CXCL12: variants seen among roughly 807,000 people sequenced by gnomAD.
The protein encoded by CXCL12 is stromal cell-derived factor 1.
In CXCL12, 4 loss-of-function variants were observed where a neutral mutation model predicts 10.7. That is an observed-to-expected ratio of 0.37 (90% CI 0.18 to 0.86). The LOEUF (loss-of-function observed/expected upper bound fraction) is 0.86. Among genes scored for constraint, CXCL12 ranks in the 40% least tolerant of loss-of-function variants. CXCL12 has a pLI of 0.43. For missense variants in CXCL12, 122 were observed against 110.4 expected (o/e 1.10, Z -0.47); for synonymous variants, 54 against 45.4 (o/e 1.19, Z -0.77).
intron 1 of CXCL12, among the ~76,000 whole-genome samples, chr10:44,382,053 T>C (rs11592974): frequency 0.16 from 23,681 of 152,138 alleles, 2,109 homozygotes; most frequent in Non-Finnish European, 0.21. Context: ...GGACTAGGAA[T>C]TGCATTGTGT....
Position 44,380,954 on chromosome 10 carries a change from G to A in CXCL12, c.62-74C>T, listed in dbSNP as rs7073133. ...GGTAATGTGTGTCTGGGCTGCAGCA[G>A]TTGGTGCAGCGATTAAGGATCAAGA... On this transcript the variant is annotated intron_variant, in intron 1 of 2. Coordinates refer to ENST00000343575, the MANE Select transcript of CXCL12 (RefSeq NM_199168.4). The A allele has an allele frequency of 2.9e-4, 335 of 1,167,602 alleles. No homozygotes were observed. The African/African-American group carries it at 4.6e-3, about 16-fold the overall frequency. 72.3% of individuals were successfully genotyped at this position (1,167,602 alleles called of 1,614,324 possible).
At chr10:44,382,775 C>G (rs905044740) in intron 1 of CXCL12, among the ~76,000 whole-genome samples, 13 of 152,158 alleles carry the variant, frequency 8.5e-5, no homozygotes, top group African/African-American at 2.7e-4. Context: ...TGTCAAGCAG[C>G]GAATTTCAAC....
downstream of CXCL12, among the ~76,000 whole-genome samples, chr10:44,376,269 C>T (rs1839446101): frequency 6.6e-6 from 1 of 152,188 alleles, no homozygotes; most frequent in East Asian, 1.9e-4. Context: ...TGGGTTACAG[C>T]GACTGCCAAT....
At chr10:44,380,655 G>C (rs1251071972) in intron 2 of CXCL12, 108 bp downstream of exon 2, 1 of 930,586 alleles carries the variant, frequency 1.1e-6, no homozygotes, top group Non-Finnish European at 1.8e-6. Flanking sequence ...TTCAAGGTTG[G>C]ACACTTGGCT....
intron 2 of CXCL12, among the ~76,000 whole-genome samples, chr10:44,378,971 T>C (rs1839547337): frequency 6.6e-6 from 1 of 151,930 alleles, no homozygotes; most frequent in Non-Finnish European, 1.5e-5. Context: ...GGGGAATTCA[T>C]GTAAGGGAGC....
In CXCL12 at chr10:44,377,754, C is replaced by T. The variant is rs762131157; in HGVS notation, c.*879G>A. 2 of 1,598,394 alleles carry T rather than the reference C, an allele frequency of 1.3e-6. No homozygotes were observed. The highest frequency in any genetic ancestry group is 1.7e-6 in the Non-Finnish European group (2 of 1,179,794). ...GCGGGTAAGCAGGGGGACCATTACA[C>T]ATCCCCAGGAGAGGGCCAGCTCCAT... On this transcript the variant is annotated 3_prime_UTR_variant, in exon 3 of 3. Transcript: ENST00000343575.
chr10:44,372,639 C>A, downstream of CXCL12: 1 of 1,358,976 alleles, frequency 7.4e-7, no homozygotes. Context: ...TTTTGCAGGG[C>A]CATGGAGACA....
downstream of CXCL12, among the ~76,000 whole-genome samples, chr10:44,374,963 G>A (rs547727613): frequency 6.6e-6 from 1 of 152,334 alleles, no homozygotes. Flanking sequence ...CAGGGAAGGA[G>A]GGTGCAGGAA....
chr10:44,377,963 T>A lies in CXCL12; in HGVS notation c.*670A>T, dbSNP rs910566009. ...CATGCTCTCGGAGTCGGGGAGAGAG[T>A]AGGAATAGCTGGGAGAGGGGTCTCT... On this transcript the variant is annotated 3_prime_UTR_variant, in exon 3 of 3. Coordinates refer to ENST00000343575, the MANE Select transcript of CXCL12 (RefSeq NM_199168.4). 6 of 1,520,778 alleles carry A rather than the reference T, an allele frequency of 3.9e-6. No individual in the cohort carries two copies. In the Admixed American group the frequency reaches 1.3e-4, roughly 33 times the overall value. 94.2% of individuals were successfully genotyped at this position (1,520,778 alleles called of 1,614,324 possible). A position where few individuals can be genotyped will look rare whatever the true frequency, so the allele number is the denominator to read the frequency against.
chr10:44,383,618 G>C (rs1209139634), intron 1 of CXCL12, among the ~76,000 whole-genome samples: 2 of 134,344 alleles, frequency 1.5e-5, no homozygotes, highest in Admixed American at 7.2e-5. Context: ...GCGGGGGGGG[G>C]GGGGGGTCAG....
chr10:44,374,550 G>A (rs765295709), downstream of CXCL12: 2 of 455,956 alleles, frequency 4.4e-6, no homozygotes, highest in Non-Finnish European at 8.8e-6. Flanking sequence ...GAGTTGTCCA[G>A]GTAAAAGAGA....
At chr10:44,376,501 T>G (rs778617551), downstream of CXCL12, among the ~76,000 whole-genome samples, 28 of 152,198 alleles carry the variant, frequency 1.8e-4, no homozygotes, top group Admixed American at 1.1e-3. Context: ...AGGTTCAGAC[T>G]GCCATTCAGA....
chr10:44,382,506 A>G (rs982321111), intron 1 of CXCL12, among the ~76,000 whole-genome samples: 3 of 152,172 alleles, frequency 2.0e-5, no homozygotes, highest in Non-Finnish European at 2.9e-5. Context: ...CCTCCCGGCA[A>G]CAGTGAGCTT....
chr10:44,378,507 ACC>A lies in CXCL12; in HGVS notation c.*124_*125del, dbSNP rs2132044153. ...GGCCCGATCCCAGATCAATGTGCCC[ACC>A]CCACACACACACCTGGTCCTCATGG... On this transcript the variant is annotated 3_prime_UTR_variant, in exon 3 of 3. Coordinates refer to ENST00000343575, the MANE Select transcript of CXCL12 (RefSeq NM_199168.4). 6.4e-7 allele frequency: 1 copy of A among 1,551,462 alleles called. No homozygotes were observed. The highest frequency in any genetic ancestry group is 1.2e-5 in the South Asian group (1 of 82,926).
downstream of CXCL12, chr10:44,372,764 C>T: frequency 6.9e-7 from 1 of 1,439,008 alleles, no homozygotes; most frequent in Non-Finnish European, 9.1e-7. Flanking sequence ...CACACTGCTG[C>T]CTCAGCTCAG....
At chr10:44,375,977 G>A, downstream of CXCL12, 1 of 1,613,666 alleles carries the variant, frequency 6.2e-7, no homozygotes. Context: ...CTCTTCTTCT[G>A]TCGCTTCTTT....
chr10:44,379,605 G>A (rs955191095), intron 2 of CXCL12, among the ~76,000 whole-genome samples: 11 of 152,096 alleles, frequency 7.2e-5, no homozygotes, highest in African/African-American at 2.4e-4. Flanking sequence ...GGTGTGGCTC[G>A]GAGCAACCCA....
chr10:44,375,866 T>C, downstream of CXCL12: 8 of 1,603,508 alleles, frequency 5.0e-6, no homozygotes, highest in Non-Finnish European at 5.1e-6. Context: ...GGGTCTGTCC[T>C]GGAGGAGGAT....
At chr10:44,371,660 GATT>G (rs1358681869), downstream of CXCL12, 1 of 154,922 alleles carries the variant, frequency 6.5e-6, no homozygotes, top group Non-Finnish European at 1.4e-5. Flanking sequence ...TTACCCTACA[GATT>G]ATTAAATTCA....
Sources: allele counts gnomAD v4.1 joint callset (sites outside exome capture counted in the v4.1 genomes callset), GRCh38; gene constraint gnomAD v4.1.1; transcripts MANE v1.5; gene names NCBI Gene and HGNC (gene_info 2026-07-23, HGNC 2026-07-21).